The following DPEP1 variants were observed in gnomAD, a reference collection of about 807,000 sequenced individuals.
DPEP1 encodes beta-lactamase.
Under a neutral mutation model 42.3 loss-of-function variants are expected in DPEP1, and 50 were observed. The observed-to-expected ratio is 1.18, with a 90% CI of 0.94 to 1.50. The LOEUF (loss-of-function observed/expected upper bound fraction) is 1.50. DPEP1 is among the 40% of genes most tolerant of loss of function. The pLI is 0.00. For missense variants in DPEP1, 663 were observed against 553.0 expected (o/e 1.20, Z -1.99); for synonymous variants, 297 against 234.0 (o/e 1.27, Z -2.46).
intron 1 of DPEP1, among the ~76,000 whole-genome samples, chr16:89,624,347 G>A (rs2059480923): frequency 6.6e-6 from 1 of 152,164 alleles, no homozygotes; most frequent in Admixed American, 6.6e-5. Flanking sequence ...AGGGGAGGGA[G>A]CAGGTGTCAC....
intron 1 of DPEP1, among the ~76,000 whole-genome samples, chr16:89,624,388 T>C (rs1278242575): frequency 3.9e-5 from 6 of 152,134 alleles, no homozygotes; most frequent in Non-Finnish European, 8.8e-5. Flanking sequence ...TAATAGTCCA[T>C]GTCCTCGGCG....
At chr16:89,640,392 C>A (rs1387884452), downstream of DPEP1, among the ~76,000 whole-genome samples, 1 of 152,144 alleles carries the variant, frequency 6.6e-6, no homozygotes, top group Non-Finnish European at 1.5e-5. Flanking sequence ...CAGGCAGGGT[C>A]CCTGGGAGCT....
intron 1 of DPEP1, among the ~76,000 whole-genome samples, chr16:89,615,823 G>T (rs2059375169): frequency 6.6e-6 from 1 of 152,190 alleles, no homozygotes; most frequent in Non-Finnish European, 1.5e-5. Flanking sequence ...GGCTGGTGGG[G>T]TGTGAATTGG....
chr16:89,638,533 G>C (rs1415556305), downstream of DPEP1: 2 of 1,169,814 alleles, frequency 1.7e-6, no homozygotes, highest in Non-Finnish European at 1.1e-6. Flanking sequence ...CCTGGATCGA[G>C]TCTTCGGTCC....
intron 2 of DPEP1, among the ~76,000 whole-genome samples, chr16:89,634,087 T>C (rs382429): frequency 0.45 from 60,268 of 132,894 alleles, 14,612 homozygotes; most frequent in Middle Eastern, 0.65. Flanking sequence ...TCTCTTCTCT[T>C]CTTCTTTTTT....
chr16:89,630,981 G>C (rs2151492340), intron 2 of DPEP1, among the ~76,000 whole-genome samples: 1 of 152,166 alleles, frequency 6.6e-6, no homozygotes, highest in East Asian at 1.9e-4. Context: ...GACTGGGCAG[G>C]AAGGAGGCAA....
At chr16:89,641,134 G>A (rs867426679), downstream of DPEP1, among the ~76,000 whole-genome samples, 6 of 152,220 alleles carry the variant, frequency 3.9e-5, no homozygotes, top group Non-Finnish European at 5.9e-5. Flanking sequence ...AGAGCCAGGC[G>A]TACTGGGTGG....
intron 1 of DPEP1, among the ~76,000 whole-genome samples, chr16:89,621,737 C>T (rs954634278): frequency 5.9e-5 from 9 of 152,156 alleles, no homozygotes; most frequent in African/African-American, 1.2e-4. Flanking sequence ...TCTGTGTGCA[C>T]GTGGAGGTAT....
At chr16:89,631,478 T>A (rs575887949) in intron 2 of DPEP1, among the ~76,000 whole-genome samples, 1 of 152,124 alleles carries the variant, frequency 6.6e-6, no homozygotes, top group South Asian at 2.1e-4. Context: ...TGGCATGGTG[T>A]CTCCACCTGG....
chr16:89,633,948 G>C (rs1245065076), intron 2 of DPEP1, among the ~76,000 whole-genome samples: 1 of 152,134 alleles, frequency 6.6e-6, no homozygotes, highest in Non-Finnish European at 1.5e-5. Flanking sequence ...GGAACCCTGG[G>C]CATTCCCCAG....
intron 1 of DPEP1, among the ~76,000 whole-genome samples, chr16:89,621,162 G>A (rs1365252243): frequency 6.6e-6 from 1 of 152,054 alleles, no homozygotes; most frequent in Non-Finnish European, 1.5e-5. Context: ...CAGGCTGAGG[G>A]GCCCTGACCT....
chr16:89,636,123 C>G, intron 3 of DPEP1, 83 bp downstream of exon 3: 1 of 1,550,596 alleles, frequency 6.4e-7, no homozygotes, highest in Non-Finnish European at 8.7e-7. Context: ...GGGACCATCC[C>G]TGTGGTGTTC....
chr16:89,620,939 A>G (rs1423870587), intron 1 of DPEP1, among the ~76,000 whole-genome samples: 1 of 152,166 alleles, frequency 6.6e-6, no homozygotes, highest in African/African-American at 2.4e-5. Flanking sequence ...GTAGGCATCT[A>G]CAGCATAGCA....
At chr16:89,628,185 G>A (rs1362382341) in intron 1 of DPEP1, among the ~76,000 whole-genome samples, 2 of 151,664 alleles carry the variant, frequency 1.3e-5, no homozygotes, top group African/African-American at 4.8e-5. Context: ...GCCTCCCACA[G>A]TGCTGGGATT....
intron 2 of DPEP1, among the ~76,000 whole-genome samples, chr16:89,635,306 G>T (rs1037194326): frequency 6.6e-6 from 1 of 152,000 alleles, no homozygotes; most frequent in Non-Finnish European, 1.5e-5. Flanking sequence ...CAGTCCTTTG[G>T]AAGTTTAGAA....
chr16:89,620,740 G>C (rs2059437351), intron 1 of DPEP1: 2 of 152,122 alleles, frequency 1.3e-5, no homozygotes, highest in Admixed American at 1.3e-4. Flanking sequence ...GACTTGGGTG[G>C]CTGAGCCGAG....
downstream of DPEP1, among the ~76,000 whole-genome samples, chr16:89,639,623 G>C (rs953909896): frequency 4.0e-5 from 6 of 150,364 alleles, no homozygotes; most frequent in African/African-American, 1.5e-4. Flanking sequence ...CCCTGCACCT[G>C]CTCATTCTGA....
chr16:89,638,060 C>T lies in DPEP1; in HGVS notation c.1074C>T (p.Asn358=), dbSNP rs200551568. The T allele has an allele frequency of 1.9e-5, 30 of 1,612,252 alleles. No homozygotes were observed. The Admixed American group carries it at 3.5e-4, about 19-fold the overall frequency. Residue 358 remains asparagine (N), a synonymous_variant, in exon 11 of 11, where the codon AAC becomes AAT. Transcript: ENST00000690203. ...TGTCTGTCTGTCCCCAGGCCAGCAACCTCACACAGGCTCCCGAGGAGGAGC... is the reference window on the plus strand; with the variant it reads ...TGTCTGTCTGTCCCCAGGCCAGCAATCTCACACAGGCTCCCGAGGAGGAGC... The part of the protein sequence containing the change: ...RVFEAVEQAS[N]LTQAPEEEPI...
chr16:89,634,146 T>C (rs984512806), intron 2 of DPEP1, among the ~76,000 whole-genome samples: 7 of 142,918 alleles, frequency 4.9e-5, no homozygotes, highest in African/African-American at 1.0e-4. Context: ...TGGAGTGCAG[T>C]GGTGCGATCT....
Sources: allele counts gnomAD v4.1 joint callset (sites outside exome capture counted in the v4.1 genomes callset), GRCh38; gene constraint gnomAD v4.1.1; transcripts MANE v1.5; gene names NCBI Gene and HGNC (gene_info 2026-07-23, HGNC 2026-07-21).